Variants in FOCAD observed in about 807,000 individuals in gnomAD.
FOCAD encodes the protein focadhesin, also known as KIAA1797.
A neutral mutation model predicts 225.6 loss-of-function variants in FOCAD; 198 were observed. The observed-to-expected ratio is 0.88, with a 90% CI of 0.78 to 0.99. The LOEUF (loss-of-function observed/expected upper bound fraction) is 0.99. FOCAD is among the 50% of genes least tolerant of loss of function. The probability of loss-of-function intolerance (pLI) is 0.00; values close to 1 mark genes in which losing one functional copy is unlikely to be tolerated. For missense variants in FOCAD, 2,713 were observed against 2,123.6 expected, an observed-to-expected ratio of 1.28 and a Z score of -5.46; for synonymous variants, 897 against 755.0, an observed-to-expected ratio of 1.19 and a Z score of -3.08.
intron 11 of FOCAD, among the ~76,000 whole-genome samples, chr9:20,795,019 G>A (rs1368522468): frequency 1.3e-5 from 2 of 152,092 alleles, no homozygotes; most frequent in Non-Finnish European, 2.9e-5. Flanking sequence ...AATTTTATTA[G>A]TAATGTTAAA....
At chr9:20,924,019 T>G (rs1340663862) in intron 25 of FOCAD, among the ~76,000 whole-genome samples, 1 of 152,200 alleles carries the variant, frequency 6.6e-6, no homozygotes. Context: ...GGTTATCTTT[T>G]TGTGATTACA....
At chr9:20,906,018 G>T (rs1832940712) in intron 21 of FOCAD, among the ~76,000 whole-genome samples, 1 of 150,826 alleles carries the variant, frequency 6.6e-6, no homozygotes, top group Non-Finnish European at 1.5e-5. Flanking sequence ...TTATTCCCAT[G>T]GATTCTTCCT....
rs146469776 is a variant in FOCAD, at chr9:20,990,222, T to A, written c.5104T>A (p.Trp1702Arg). Residue 1702 changes from tryptophan to arginine, a missense_variant, in exon 42 of 44, where the codon TGG (tryptophan) becomes AGG (arginine). Transcript: ENST00000338382. ...LLGLSASWLP[W>R]HQENGPAGPV... ...CGGCCTCAGTGCCAGTTGGTTGCCA[T>A]GGCATCAGGAGAATGGCCCGGCTGG... 10 of 1,614,060 alleles carry A rather than the reference T, an allele frequency of 6.2e-6. No homozygotes were observed. Among genetic ancestry groups the A allele is most frequent in the Non-Finnish European group, 8.5e-6 (10 of 1,180,026 alleles).
intron 30 of FOCAD, 46 bp from the exon 31 acceptor site, chr9:20,948,224 TC>T: frequency 6.6e-7 from 1 of 1,517,194 alleles, no homozygotes; most frequent in Non-Finnish European, 8.9e-7. Context: ...TAAATCTGTG[TC>T]TTTTTTTTTT....
At chr9:20,873,610 GCTTT>G (rs1464552811) in intron 18 of FOCAD, among the ~76,000 whole-genome samples, 4 of 152,106 alleles carry the variant, frequency 2.6e-5, no homozygotes, top group Non-Finnish European at 4.4e-5. Context: ...TAGTCAGGTT[GCTTT>G]CACTTCTCCT....
At chr9:20,784,923 T>C (rs1355802121) in intron 10 of FOCAD, among the ~76,000 whole-genome samples, 2 of 105,872 alleles carry the variant, frequency 1.9e-5, no homozygotes, top group African/African-American at 5.3e-5. Flanking sequence ...ATGTCTTTTC[T>C]TTCTTTCTTT....
intron 39 of FOCAD, among the ~76,000 whole-genome samples, chr9:20,984,889 C>A (rs1402973465): frequency 6.6e-6 from 1 of 152,246 alleles, no homozygotes; most frequent in African/African-American, 2.4e-5. Flanking sequence ...CAACCTCCGT[C>A]TTCAGGGTTC....
chr9:20,854,451 G>C (rs1543678), intron 15 of FOCAD, among the ~76,000 whole-genome samples: 85,029 of 151,266 alleles, frequency 0.56, 24,090 homozygotes, highest in East Asian at 0.67. Flanking sequence ...GCTGGGGAAA[G>C]AGTTTGAGGG....
At chr9:20,787,876 G>A (rs939286237) in intron 10 of FOCAD, among the ~76,000 whole-genome samples, 10 of 151,880 alleles carry the variant, frequency 6.6e-5, no homozygotes, top group African/African-American at 2.4e-4. Context: ...TTTTCACTTG[G>A]GGGAATCTTT....
chr9:20,671,584 A>T (rs1266861332), intron 2 of FOCAD, among the ~76,000 whole-genome samples: 1 of 150,900 alleles, frequency 6.6e-6, no homozygotes, highest in African/African-American at 2.4e-5. Flanking sequence ...TCATTCTCTC[A>T]CAAGATAGAT....
In FOCAD at chr9:20,866,917, T is replaced by TTTTTAAACAAAA; in HGVS notation, c.2107-12_2107-11insTTTTAAACAAAA. On this transcript the variant is annotated splice_polypyrimidine_tract_variant and intron_variant, in intron 17 of 43. Coordinates refer to ENST00000338382, the MANE Select transcript of FOCAD (RefSeq NM_001375567.1). ...TTTTTTTTTTTTTTTTTTTTTTTTT[T>TTTTTAAACAAAA]ACCCTATCTAGGACCCAATTGTAGC... 1.3e-6 allele frequency: 1 copy of TTTTTAAACAAAA among 764,972 alleles called. No individual in the cohort carries two copies. The highest frequency in any genetic ancestry group is 2.0e-6 in the Non-Finnish European group (1 of 498,468). The allele number at this position is 764,972 out of a possible 1,614,324, so 47.4% of individuals were successfully genotyped here.
intron 5 of FOCAD, among the ~76,000 whole-genome samples, 169 bp downstream of exon 5, chr9:20,740,509 T>C (rs1034744131): frequency 6.6e-6 from 1 of 152,134 alleles, no homozygotes; most frequent in Non-Finnish European, 1.5e-5. Flanking sequence ...ACTCAGAGGA[T>C]TGAGATAGAG....
intron 8 of FOCAD, among the ~76,000 whole-genome samples, chr9:20,772,622 A>T (rs980017802): frequency 3.9e-5 from 6 of 152,170 alleles, no homozygotes; most frequent in African/African-American, 1.4e-4. Flanking sequence ...AGGATATAGC[A>T]TATAAAAGCT....
At chr9:20,785,434 C>A (rs920273819) in intron 10 of FOCAD, among the ~76,000 whole-genome samples, 2 of 152,144 alleles carry the variant, frequency 1.3e-5, no homozygotes, top group African/African-American at 2.4e-5. Flanking sequence ...GCTAGGCAGT[C>A]CCTAATCTGC....
chr9:20,674,489 T>C (rs1353662638), intron 2 of FOCAD, among the ~76,000 whole-genome samples: 6 of 152,212 alleles, frequency 3.9e-5, no homozygotes, highest in Admixed American at 3.9e-4. Flanking sequence ...CTGGATATTA[T>C]AAAGATGTTC....
At chr9:20,871,282 C>G (rs150243349) in intron 18 of FOCAD, among the ~76,000 whole-genome samples, 1 of 151,800 alleles carries the variant, frequency 6.6e-6, no homozygotes, top group South Asian at 2.1e-4. Context: ...ATAGGCAGGT[C>G]GTTTTTGTTG....
intron 11 of FOCAD, among the ~76,000 whole-genome samples, chr9:20,814,196 G>A (rs1398458036): frequency 6.6e-6 from 1 of 152,092 alleles, no homozygotes; most frequent in Admixed American, 6.6e-5. Context: ...AAAGTACTTA[G>A]TGGTAGGAAA....
chr9:20,729,129 G>A (rs916278532), intron 4 of FOCAD, among the ~76,000 whole-genome samples: 3 of 152,202 alleles, frequency 2.0e-5, no homozygotes, highest in African/African-American at 7.2e-5. Flanking sequence ...TCTAACACAA[G>A]ATGATAAACT....
chr9:20,842,620 TA>T (rs1826655600), intron 15 of FOCAD, among the ~76,000 whole-genome samples: 1 of 151,994 alleles, frequency 6.6e-6, no homozygotes, highest in Non-Finnish European at 1.5e-5. Context: ...CTCTATAGGT[TA>T]AGTATGTTTC....
Sources: gnomAD v4.1 joint callset for allele counts (sites outside exome capture counted in the v4.1 genomes callset) on GRCh38, gnomAD v4.1.1 for gene constraint, MANE v1.5 for transcripts, NCBI Gene and HGNC (gene_info 2026-07-23, HGNC 2026-07-21) for gene names.